RAB40C: variants seen among roughly 807,000 people sequenced by gnomAD.
RAB40C encodes the protein ras-related protein Rab-40C.
In RAB40C, 8 loss-of-function variants were observed where a neutral mutation model predicts 28.1. The ratio of observed to expected loss-of-function variants is 0.28; its 90% CI spans 0.17 to 0.51. RAB40C has a LOEUF of 0.51. Among genes scored for constraint, RAB40C ranks in the 20% least tolerant of loss-of-function variants. The probability of loss-of-function intolerance (pLI) is 0.97; values close to 1 mark genes in which losing one functional copy is unlikely to be tolerated. For synonymous variants in RAB40C, 201 were observed against 171.7 expected (o/e 1.17, Z -1.34); for missense variants, 288 against 405.9 (o/e 0.71, Z 2.50).
In RAB40C at chr16:625,425, G is replaced by A. The variant is rs748914540; in HGVS notation, c.265-7G>A. On this transcript the variant is annotated splice_polypyrimidine_tract_variant and splice_region_variant and intron_variant, in intron 3 of 5. Coordinates refer to ENST00000248139, the MANE Select transcript of RAB40C (RefSeq NM_021168.5). Reference sequence around the variant, plus strand: ...GACCCCTGATGACCCCCAAGTCTCTGTTGCAGGGGATCCTCTTGGTGTATG... The same window carrying A: ...GACCCCTGATGACCCCCAAGTCTCTATTGCAGGGGATCCTCTTGGTGTATG... 1 of 1,613,186 alleles carries A rather than the reference G, an allele frequency of 6.2e-7. No homozygotes were observed. Among genetic ancestry groups the A allele is most frequent in the South Asian group, 1.1e-5 (1 of 91,078 alleles).
At chr16:623,116 G>A (rs114738208) in intron 3 of RAB40C, among the ~76,000 whole-genome samples, 11 of 152,324 alleles carry the variant, frequency 7.2e-5, no homozygotes, top group East Asian at 3.9e-4. Context: ...GGCAGCAGCC[G>A]GGAGGTGTGG....
intron 5 of RAB40C, among the ~76,000 whole-genome samples, chr16:626,362 G>A (rs911425496): frequency 3.9e-5 from 6 of 152,196 alleles, no homozygotes; most frequent in African/African-American, 1.2e-4. Context: ...CGCCGTGGCC[G>A]CTGCACTCTG....
chr16:622,807 G>A (rs778611041), intron 3 of RAB40C, among the ~76,000 whole-genome samples: 25 of 152,310 alleles, frequency 1.6e-4, no homozygotes, highest in Non-Finnish European at 2.9e-4. Context: ...CCTGGCCGAA[G>A]TCGCTAGTTT....
At chr16:623,282 C>T (rs2036759362) in intron 3 of RAB40C, among the ~76,000 whole-genome samples, 1 of 152,234 alleles carries the variant, frequency 6.6e-6, no homozygotes, top group African/African-American at 2.4e-5. Flanking sequence ...CCTCTCCAGC[C>T]TTTTAGCATT....
In RAB40C at chr16:590,182, C is replaced by G. The variant is rs1222743017; in HGVS notation, c.-110C>G. 3 of 817,300 alleles carry G rather than the reference C, an allele frequency of 3.7e-6. No homozygotes were observed. Among genetic ancestry groups the G allele is most frequent in the Non-Finnish European group, 4.5e-6 (3 of 668,246 alleles). The allele number at this position is 817,300 out of a possible 1,614,324, so 50.6% of individuals were successfully genotyped here. A position where few individuals can be genotyped will look rare whatever the true frequency, so the allele number is the denominator to read the frequency against. On this transcript the variant is annotated 5_prime_UTR_variant, in exon 1 of 6. Coordinates refer to ENST00000248139, the MANE Select transcript of RAB40C (RefSeq NM_021168.5). Reference sequence around the variant, plus strand: ...GCTTCGGGCGCGCCCACTCGGCCGCCGTGGGGCGGACGCAACGGGCGCAGG... The same window carrying G: ...GCTTCGGGCGCGCCCACTCGGCCGCGGTGGGGCGGACGCAACGGGCGCAGG...
rs556615795 is a variant in RAB40C, at chr16:627,841, G to A, written c.*219G>A. 4.2e-5 allele frequency: 21 copies of A among 499,196 alleles called. No homozygotes were observed. The highest frequency in any genetic ancestry group is 6.3e-5 in the Non-Finnish European group (19 of 300,634). 30.9% of individuals were successfully genotyped at this position (499,196 alleles called of 1,614,324 possible). A position where few individuals can be genotyped will look rare whatever the true frequency, so the allele number is the denominator to read the frequency against. Reference sequence around the variant, plus strand: ...GCGCGGCTGGGCTGCTGGTGCTTCCGGGAATCTTGGTCGGAAACAAGCCGG... The same window carrying A: ...GCGCGGCTGGGCTGCTGGTGCTTCCAGGAATCTTGGTCGGAAACAAGCCGG... On this transcript the variant is annotated 3_prime_UTR_variant, in exon 6 of 6. Coordinates refer to ENST00000248139, the MANE Select transcript of RAB40C (RefSeq NM_021168.5).
At chr16:598,107 T>C (rs1235929106) in intron 1 of RAB40C, among the ~76,000 whole-genome samples, 1 of 151,284 alleles carries the variant, frequency 6.6e-6, no homozygotes, top group Non-Finnish European at 1.5e-5. Context: ...TGGCCAGGCA[T>C]GGTGGCTCAC....
At chr16:594,304 C>T (rs1275354921) in intron 1 of RAB40C, among the ~76,000 whole-genome samples, 1 of 152,174 alleles carries the variant, frequency 6.6e-6, no homozygotes, top group Non-Finnish European at 1.5e-5. Context: ...TGCTGAGTGA[C>T]ACTCCGGTCC....
At chr16:611,882 C>T (rs1320399908) in intron 1 of RAB40C, among the ~76,000 whole-genome samples, 2 of 31,280 alleles carry the variant, frequency 6.4e-5, no homozygotes, top group South Asian at 2.8e-3. Context: ...GACAGCCGCC[C>T]TGGCCTGTAG....
At chr16:607,683 C>T (rs532834409) in intron 1 of RAB40C, among the ~76,000 whole-genome samples, 4 of 151,938 alleles carry the variant, frequency 2.6e-5, no homozygotes, top group Non-Finnish European at 4.4e-5. Flanking sequence ...CCCAGCTACT[C>T]GGGAGGCTGA....
rs571849138 is a variant in RAB40C, at chr16:592,207, G to A, written c.142+1774G>A. The stretch of plus-strand genomic sequence containing the variant: ...TGCTTTGTTTCTTGGGCTCTTGTCC[G>A]TCCTGTCTGACTGCCCTGAGCGTCT... On this transcript the variant is annotated intron_variant, in intron 1 of 5. Coordinates refer to ENST00000248139, the MANE Select transcript of RAB40C (RefSeq NM_021168.5). Among the ~76,000 whole-genome samples, 22 of 152,290 alleles carry A rather than the reference G, an allele frequency of 1.4e-4. No homozygotes were observed. The South Asian group carries it at 3.5e-3, about 24-fold the overall frequency.
At position 628,743 on chromosome 16, in the gene RAB40C, G is replaced by C. The variant is rs926988193; in HGVS notation, c.*1121G>C. The C allele has an allele frequency of 6.5e-6, 1 of 153,300 alleles. No individual in the cohort carries two copies. The highest frequency in any genetic ancestry group is 6.5e-5 in the Admixed American group (1 of 15,294). The allele number at this position is 153,300 out of a possible 1,614,324, so 9.5% of individuals were successfully genotyped here. A position where few individuals can be genotyped will look rare whatever the true frequency, so the allele number is the denominator to read the frequency against. On this transcript the variant is annotated 3_prime_UTR_variant, in exon 6 of 6. Coordinates refer to ENST00000248139, the MANE Select transcript of RAB40C (RefSeq NM_021168.5). ...AGTGCTTCTGCCCATGCCTGCCCCA[G>C]CAGCCCCTCTGCACGGTCACCATCG...
intron 1 of RAB40C, among the ~76,000 whole-genome samples, chr16:604,281 G>A (rs915732363): frequency 2.6e-5 from 4 of 151,826 alleles, no homozygotes; most frequent in East Asian, 1.9e-4. Flanking sequence ...CAGAAAACAC[G>A]TCATTTTAGC....
At chr16:625,781 C>T (rs555790419) in intron 4 of RAB40C, 118 bp from the exon 5 acceptor site, 34 of 1,098,228 alleles carry the variant, frequency 3.1e-5, no homozygotes, top group South Asian at 2.6e-4. Context: ...CCTCCGCCCA[C>T]CTTGACCTCC....
intron 3 of RAB40C, among the ~76,000 whole-genome samples, chr16:622,999 C>A (rs780372782): frequency 2.6e-5 from 4 of 152,134 alleles, no homozygotes; most frequent in Non-Finnish European, 5.9e-5. Flanking sequence ...TGCGGCCTCA[C>A]TGTGACCCAC....
At chr16:592,294 C>G (rs938449589) in intron 1 of RAB40C, among the ~76,000 whole-genome samples, 2 of 152,222 alleles carry the variant, frequency 1.3e-5, no homozygotes, top group African/African-American at 4.8e-5. Flanking sequence ...CCCCCACTCT[C>G]TCAACTCGGG....
At chr16:624,205 CGGGAGGTTGCCACTA>C (rs2036779660) in intron 3 of RAB40C, 3 of 985,186 alleles carry the variant, frequency 3.0e-6, no homozygotes, top group East Asian at 2.3e-4. Context: ...GGTTGCCATG[CGGGAGGTTGCCACTA>C]GGGAGAGTGG....
At chr16:609,115 AAAAAAT>A (rs964581677) in intron 1 of RAB40C, among the ~76,000 whole-genome samples, 3 of 152,158 alleles carry the variant, frequency 2.0e-5, no homozygotes, top group Non-Finnish European at 4.4e-5. Context: ...ACACCTTCTC[AAAAAAT>A]AAAAATAAAA....
chr16:601,810 A>C (rs1396183814), intron 1 of RAB40C, among the ~76,000 whole-genome samples: 1 of 142,664 alleles, frequency 7.0e-6, no homozygotes, highest in African/African-American at 2.6e-5. Flanking sequence ...CCCTGCAAAA[A>C]AAAGTAAAAA....
Sources: allele counts gnomAD v4.1 joint callset (sites outside exome capture counted in the v4.1 genomes callset), GRCh38; gene constraint gnomAD v4.1.1; transcripts MANE v1.5; gene names NCBI Gene and HGNC (gene_info 2026-07-23, HGNC 2026-07-21).